NPR3: variants seen among roughly 807,000 people sequenced by gnomAD.
The protein encoded by NPR3 is natriuretic peptide receptor 3, also known as atrial natriuretic peptide receptor 3.
Under a neutral mutation model 54.5 loss-of-function variants are expected in NPR3, and 34 were observed. The ratio of observed to expected loss-of-function variants is 0.62; its 90% CI spans 0.47 to 0.83. NPR3 has a LOEUF of 0.83. NPR3 is among the 40% of genes least tolerant of loss of function. The pLI is 0.00. For synonymous variants in NPR3, 289 were observed against 297.1 expected, an observed-to-expected ratio of 0.97 and a Z score of 0.28; for missense variants, 674 against 720.8, an observed-to-expected ratio of 0.94 and a Z score of 0.74.
At chr5:32,704,564 G>T (rs1046197504), upstream of NPR3, among the ~76,000 whole-genome samples, 2 of 152,198 alleles carry the variant, frequency 1.3e-5, no homozygotes, top group Admixed American at 1.3e-4. Flanking sequence ...ACATTTTGAT[G>T]AGGCTTCTAA....
upstream of NPR3, chr5:32,710,906 G>GTGTGTA: frequency 1.1e-6 from 1 of 924,846 alleles, no homozygotes. Context: ...GTGTGTGTGT[G>GTGTGTA]TGTGTGTGTG....
At chr5:32,728,837 GTATATATATATATATATATATATA>G (rs70961659) in intron 2 of NPR3, among the ~76,000 whole-genome samples, 1 of 48,012 alleles carries the variant, frequency 2.1e-5, no homozygotes, top group Non-Finnish European at 3.6e-5. Context: ...GTGTGTGTGT[GTATATATATATATATATATATATA>G]TATATATATA....
At chr5:32,730,244 T>C (rs1267551299) in intron 2 of NPR3, among the ~76,000 whole-genome samples, 1 of 151,864 alleles carries the variant, frequency 6.6e-6, no homozygotes, top group Non-Finnish European at 1.5e-5. Context: ...CAGAACAAGC[T>C]TTTAACAAAA....
intron 3 of NPR3, among the ~76,000 whole-genome samples, chr5:32,745,860 G>A (rs1313827458): frequency 6.6e-6 from 1 of 152,116 alleles, no homozygotes; most frequent in Admixed American, 6.5e-5. Context: ...ATCAGATGCT[G>A]TTTATTGAGT....
chr5:32,752,681 C>A (rs747798723), intron 3 of NPR3, among the ~76,000 whole-genome samples: 2 of 152,122 alleles, frequency 1.3e-5, no homozygotes, highest in Non-Finnish European at 2.9e-5. Context: ...TGGCTTTTAA[C>A]AACAGAAAAA....
At chr5:32,716,710 C>A (rs1738571238) in intron 1 of NPR3, 1 of 155,366 alleles carries the variant, frequency 6.4e-6, no homozygotes, top group African/African-American at 2.4e-5. Flanking sequence ...GTCACATAGG[C>A]TTCTATGTTG....
At chr5:32,764,403 C>T (rs1189619006) in intron 3 of NPR3, among the ~76,000 whole-genome samples, 1 of 152,042 alleles carries the variant, frequency 6.6e-6, no homozygotes. Context: ...ATTTAGTTTC[C>T]AAATAGTGTT....
Position 32,790,933 on chromosome 5 carries a change from T to C in NPR3, c.*4588T>C, listed in dbSNP as rs905204. On this transcript the variant is annotated 3_prime_UTR_variant, in exon 8 of 8. Coordinates refer to ENST00000265074, the MANE Select transcript of NPR3 (RefSeq NM_001204375.2). The stretch of plus-strand genomic sequence containing the variant: ...TAGCAAAAATGCTGCATTGCTTTGA[T>C]TCATGTTTAAAGACCTAAATTTCTA... The C allele has an allele frequency of 0.064, 10,701 of 167,126 alleles. 1,304 individuals carry two copies. Among genetic ancestry groups the C allele is most frequent in the African/African-American group, 0.25 (10,247 of 41,500 alleles). 10.4% of individuals were successfully genotyped at this position (167,126 alleles called of 1,614,324 possible).
At chr5:32,741,339 A>G (rs1270160104) in intron 3 of NPR3, among the ~76,000 whole-genome samples, 1 of 152,158 alleles carries the variant, frequency 6.6e-6, no homozygotes, top group Non-Finnish European at 1.5e-5. Context: ...GATCACCTGA[A>G]CCCAGGGAGC....
At position 32,717,740 on chromosome 5, in the gene NPR3, A is replaced by G. The variant is rs554721766; in HGVS notation, c.769+5195A>G. ...TTGCAAATTTGTTTGAGTTCTTTGT[A>G]GATTCTGGATATTAACTCTTTGTCA... On this transcript the variant is annotated intron_variant, in intron 1 of 7. Coordinates refer to ENST00000265074, the MANE Select transcript of NPR3 (RefSeq NM_001204375.2). 4.6e-5 allele frequency among the ~76,000 whole-genome samples: 7 copies of G among 152,214 alleles called. No homozygotes were observed. The South Asian group carries it at 1.5e-3, about 32-fold the overall frequency.
At chr5:32,726,944 TC>T (rs1739168138) in intron 2 of NPR3, among the ~76,000 whole-genome samples, 1 of 152,348 alleles carries the variant, frequency 6.6e-6, no homozygotes, top group East Asian at 1.9e-4. Flanking sequence ...TTGATAGTCA[TC>T]TTTTATAAGT....
At chr5:32,769,449 C>T (rs1056976786) in intron 3 of NPR3, among the ~76,000 whole-genome samples, 11 of 152,270 alleles carry the variant, frequency 7.2e-5, no homozygotes, top group Admixed American at 3.9e-4. Context: ...AGGGACAAGC[C>T]TATGATGGGC....
Position 32,789,627 on chromosome 5 carries a change from A to G in NPR3, c.*3282A>G, listed in dbSNP as rs951428617. ...AATGCCCTCACTTCTCCCTATTCAC[A>G]GGCTTCTAAAATCATTAATTTACTC... On this transcript the variant is annotated 3_prime_UTR_variant, in exon 8 of 8. Coordinates refer to ENST00000265074, the MANE Select transcript of NPR3 (RefSeq NM_001204375.2). The G allele has an allele frequency of 3.7e-6, 2 of 534,626 alleles. No individual in the cohort carries two copies. The highest frequency in any genetic ancestry group is 3.9e-5 in the African/African-American group (2 of 51,948). The allele number at this position is 534,626 out of a possible 1,614,324, so 33.1% of individuals were successfully genotyped here.
At chr5:32,753,714 A>T (rs909637261) in intron 3 of NPR3, among the ~76,000 whole-genome samples, 2 of 145,828 alleles carry the variant, frequency 1.4e-5, no homozygotes, top group African/African-American at 5.1e-5. Context: ...TTACCAGGAC[A>T]TTGCATTTAA....
At chr5:32,696,237 C>T (rs1425598090) in intron 1 of NPR3, among the ~76,000 whole-genome samples, 1 of 152,166 alleles carries the variant, frequency 6.6e-6, no homozygotes, top group Non-Finnish European at 1.5e-5. Flanking sequence ...TTTCCCAGCA[C>T]CATTTATTGA....
At chr5:32,709,889 G>A (rs1385720155), upstream of NPR3, 4 of 152,286 alleles carry the variant, frequency 2.6e-5, no homozygotes, top group Non-Finnish European at 5.9e-5. Context: ...GTTGAGTCGG[G>A]TGCAAGTTTC....
intron 3 of NPR3, among the ~76,000 whole-genome samples, chr5:32,751,423 C>T (rs778896702): frequency 1.3e-5 from 2 of 152,120 alleles, no homozygotes; most frequent in Non-Finnish European, 2.9e-5. Context: ...CCTTCTAGTG[C>T]CAAAGGAGGG....
At chr5:32,758,439 G>A (rs1237710072) in intron 3 of NPR3, among the ~76,000 whole-genome samples, 5 of 152,016 alleles carry the variant, frequency 3.3e-5, no homozygotes, top group East Asian at 1.9e-4. Flanking sequence ...CTGTGTGATC[G>A]GTGGTGATAT....
At chr5:32,744,796 C>T (rs552061823) in intron 3 of NPR3, among the ~76,000 whole-genome samples, 27 of 152,208 alleles carry the variant, frequency 1.8e-4, no homozygotes, top group African/African-American at 4.6e-4. Context: ...TCCTCTGCAT[C>T]GCAGCACACC....
Sources: gnomAD v4.1 joint callset for allele counts (sites outside exome capture counted in the v4.1 genomes callset) on GRCh38, gnomAD v4.1.1 for gene constraint, MANE v1.5 for transcripts, NCBI Gene and HGNC (gene_info 2026-07-23, HGNC 2026-07-21) for gene names.